The following PPP2R2B variants were observed in gnomAD, a reference collection of about 807,000 sequenced individuals.
The protein encoded by PPP2R2B is protein phosphatase 2 regulatory subunit Bbeta.
In PPP2R2B, 5 loss-of-function variants were observed where a neutral mutation model predicts 46.0. The observed-to-expected ratio is 0.11, with a 90% CI of 0.06 to 0.23. The LOEUF (loss-of-function observed/expected upper bound fraction) is 0.23, where lower values mean the gene tolerates loss of function less well. PPP2R2B is among the 10% of genes least tolerant of loss of function. PPP2R2B has a pLI of 1.00. For synonymous variants in PPP2R2B, 215 were observed against 206.7 expected (o/e 1.04, Z -0.34); for missense variants, 367 against 575.0 (o/e 0.64, Z 3.70).
At chr5:146,663,990 T>C (rs956701804) in intron 5 of PPP2R2B, among the ~76,000 whole-genome samples, 18 of 152,164 alleles carry the variant, frequency 1.2e-4, no homozygotes, top group Middle Eastern at 3.4e-3. Context: ...TACAGGCACG[T>C]GCCACCACGC....
intron 1 of PPP2R2B, among the ~76,000 whole-genome samples, chr5:146,930,482 GGA>G (rs1561525360): frequency 6.6e-6 from 1 of 152,134 alleles, no homozygotes; most frequent in Non-Finnish European, 1.5e-5. Context: ...GGCCCTGGAG[GGA>G]TTGTGGCAAT....
intron 1 of PPP2R2B, among the ~76,000 whole-genome samples, chr5:146,895,440 G>A (rs563668972): frequency 1.3e-5 from 2 of 152,158 alleles, no homozygotes; most frequent in Non-Finnish European, 2.9e-5. Flanking sequence ...AATCATGTCT[G>A]TTTTTTATTC....
intron 5 of PPP2R2B, among the ~76,000 whole-genome samples, chr5:146,667,603 G>A (rs911591777): frequency 7.9e-5 from 12 of 152,000 alleles, no homozygotes; most frequent in African/African-American, 2.7e-4. Flanking sequence ...GATTACTGAA[G>A]TACAGAAAAA....
chr5:147,059,354 C>CAATT (rs2151906780), upstream of PPP2R2B, among the ~76,000 whole-genome samples: 1 of 152,274 alleles, frequency 6.6e-6, no homozygotes, highest in South Asian at 2.1e-4. Context: ...TGTTAAAAGG[C>CAATT]AATTATCTTA....
chr5:146,667,901 G>A (rs1237286038), intron 5 of PPP2R2B, among the ~76,000 whole-genome samples: 1 of 152,182 alleles, frequency 6.6e-6, no homozygotes, highest in African/African-American at 2.4e-5. Flanking sequence ...TCAGAAAGGA[G>A]AGAAGGAAAC....
chr5:146,984,211 A>G (rs895823515), intron 1 of PPP2R2B, among the ~76,000 whole-genome samples: 1 of 152,182 alleles, frequency 6.6e-6, no homozygotes, highest in Admixed American at 6.5e-5. Flanking sequence ...TCTCTTGTTT[A>G]CTGAGACTTT....
chr5:146,689,642 G>C (rs1411517895), intron 5 of PPP2R2B, among the ~76,000 whole-genome samples: 1 of 152,104 alleles, frequency 6.6e-6, no homozygotes, highest in Non-Finnish European at 1.5e-5. Flanking sequence ...ATATGCCCAA[G>C]GTCACTAGCG....
intron 1 of PPP2R2B, among the ~76,000 whole-genome samples, chr5:147,008,172 G>C (rs906542629): frequency 1.3e-5 from 2 of 152,108 alleles, no homozygotes; most frequent in East Asian, 1.9e-4. Context: ...ACATTCATTG[G>C]ATCTTGAGAG....
intron 1 of PPP2R2B, among the ~76,000 whole-genome samples, chr5:146,945,090 A>C (rs1010810428): frequency 1.3e-5 from 2 of 152,234 alleles, no homozygotes. Context: ...TTAGGCCAAC[A>C]TACAGCACTT....
chr5:146,975,023 C>T (rs1752836196), intron 1 of PPP2R2B, among the ~76,000 whole-genome samples: 2 of 152,048 alleles, frequency 1.3e-5, no homozygotes, highest in African/African-American at 2.4e-5. Context: ...AAAACTTTTG[C>T]AATTGTGATA....
At chr5:146,792,807 T>A (rs1400219837) in intron 2 of PPP2R2B, among the ~76,000 whole-genome samples, 3 of 151,872 alleles carry the variant, frequency 2.0e-5, no homozygotes, top group Non-Finnish European at 4.4e-5. Context: ...CAGAAAGCAG[T>A]AGGAAGTGAG....
At chr5:146,673,944 C>T (rs1483092388) in intron 5 of PPP2R2B, among the ~76,000 whole-genome samples, 3 of 152,168 alleles carry the variant, frequency 2.0e-5, no homozygotes, top group East Asian at 3.8e-4. Context: ...GAAATATTCA[C>T]TAAGAAGTCT....
chr5:147,039,603 C>T (rs1263643607), intron 1 of PPP2R2B, among the ~76,000 whole-genome samples: 1 of 152,136 alleles, frequency 6.6e-6, no homozygotes, highest in Non-Finnish European at 1.5e-5. Flanking sequence ...AGAAACCTAC[C>T]ACGGAGACCA....
chr5:146,850,709 A>T (rs1352899639), intron 2 of PPP2R2B, among the ~76,000 whole-genome samples: 1 of 152,186 alleles, frequency 6.6e-6, no homozygotes, highest in Non-Finnish European at 1.5e-5. Flanking sequence ...ACACTCTCAG[A>T]GTACTACTAA....
At chr5:146,765,327 T>G (rs1239648716) in intron 2 of PPP2R2B, among the ~76,000 whole-genome samples, 2 of 152,212 alleles carry the variant, frequency 1.3e-5, no homozygotes, top group Admixed American at 6.5e-5. Context: ...ACTAGGGTAA[T>G]TTTCAGAGTC....
chr5:146,853,571 G>T (rs1686739414), intron 2 of PPP2R2B, among the ~76,000 whole-genome samples: 1 of 152,016 alleles, frequency 6.6e-6, no homozygotes, highest in African/African-American at 2.4e-5. Flanking sequence ...TACCTCAAAA[G>T]GTGATTTCAA....
At chr5:146,793,677 T>C (rs1315952801) in intron 2 of PPP2R2B, among the ~76,000 whole-genome samples, 1 of 152,194 alleles carries the variant, frequency 6.6e-6, no homozygotes, top group East Asian at 1.9e-4. Context: ...CTCTAGAGTC[T>C]GTGTTCCTGT....
chr5:146,862,663 G>T (rs186857822), intron 2 of PPP2R2B, among the ~76,000 whole-genome samples: 1 of 152,202 alleles, frequency 6.6e-6, no homozygotes, highest in East Asian at 1.9e-4. Flanking sequence ...AATTAGGAGA[G>T]ACTTAAAAGA....
chr5:147,007,633 G>A (rs1708142113), intron 1 of PPP2R2B, among the ~76,000 whole-genome samples: 1 of 152,068 alleles, frequency 6.6e-6, no homozygotes. Flanking sequence ...TCACTCTTTG[G>A]GTCTGCACTA....
Sources: gnomAD v4.1 joint callset for allele counts (sites outside exome capture counted in the v4.1 genomes callset) on GRCh38, gnomAD v4.1.1 for gene constraint, MANE v1.5 for transcripts, NCBI Gene and HGNC (gene_info 2026-07-23, HGNC 2026-07-21) for gene names.